Variants in FAF1 observed in about 807,000 individuals in gnomAD.
The protein encoded by FAF1 is FAS-associated factor 1.
FAF1 carries 25 observed loss-of-function variants against 92.5 expected under a neutral mutation model. The observed-to-expected ratio is 0.27, with a 90% CI of 0.20 to 0.38. The LOEUF (loss-of-function observed/expected upper bound fraction) is 0.38, where lower values mean the gene tolerates loss of function less well. Ranked by LOEUF, FAF1 falls within the 10% of genes least tolerant of loss-of-function variation. The pLI is 1.00. For synonymous variants in FAF1, 234 were observed against 273.2 expected (o/e 0.86, Z 1.42); for missense variants, 636 against 793.3 (o/e 0.80, Z 2.38).
intron 1 of FAF1, among the ~76,000 whole-genome samples, chr1:50,896,655 T>C (rs59110918): frequency 2.6e-3 from 390 of 152,298 alleles, no homozygotes; most frequent in African/African-American, 9.0e-3. Context: ...TTTAAGGACA[T>C]TATGCTAAAT....
chr1:50,525,277 G>A (rs1647733893), intron 15 of FAF1, among the ~76,000 whole-genome samples: 1 of 152,108 alleles, frequency 6.6e-6, no homozygotes, highest in Non-Finnish European at 1.5e-5. Flanking sequence ...AATTGCTTTG[G>A]GCAGTATGGC....
intron 2 of FAF1, among the ~76,000 whole-genome samples, chr1:50,817,570 T>C (rs1337445023): frequency 2.6e-5 from 4 of 152,200 alleles, no homozygotes; most frequent in Admixed American, 1.3e-4. Context: ...GTAGTGATGG[T>C]TGCATAAAAT....
intron 2 of FAF1, among the ~76,000 whole-genome samples, chr1:50,806,438 T>C (rs1240850625): frequency 2.0e-5 from 3 of 152,220 alleles, no homozygotes; most frequent in Non-Finnish European, 4.4e-5. Flanking sequence ...TAGTTTGATA[T>C]ACAGGTAAAC....
chr1:50,687,355 C>CAAAA (rs78325708), intron 7 of FAF1, among the ~76,000 whole-genome samples: 2 of 83,780 alleles, frequency 2.4e-5, no homozygotes, highest in African/African-American at 8.3e-5. Flanking sequence ...TTTTATCAAT[C>CAAAA]AAAAAAAAAA....
intron 4 of FAF1, among the ~76,000 whole-genome samples, chr1:50,773,402 G>C (rs1332304181): frequency 6.6e-6 from 1 of 152,166 alleles, no homozygotes; most frequent in South Asian, 2.1e-4. Context: ...GATTATTCAC[G>C]ATAGCCAAGA....
rs151246280 is a variant in FAF1 at position 50,938,874 on chromosome 1, T to C, written c.45+20893A>G. ...TGTCAGCCTTGTCAAATATCAGTTG[T>C]AGAAGTGCAACTTTTATTTCTGAGT... On this transcript the variant is annotated intron_variant, in intron 1 of 18. Coordinates refer to ENST00000396153, the MANE Select transcript of FAF1 (RefSeq NM_007051.3). Among the ~76,000 whole-genome samples, 5 of 152,322 alleles carry C rather than the reference T, an allele frequency of 3.3e-5. No individual in the cohort carries two copies. The East Asian group carries it at 9.6e-4, about 29-fold the overall frequency.
At chr1:50,728,239 G>A (rs1045987687) in intron 6 of FAF1, among the ~76,000 whole-genome samples, 2 of 152,156 alleles carry the variant, frequency 1.3e-5, no homozygotes, top group African/African-American at 4.8e-5. Flanking sequence ...TATTTGAGTA[G>A]AGGCCTAAAT....
At chr1:50,856,548 T>C (rs553863951) in intron 2 of FAF1, among the ~76,000 whole-genome samples, 2 of 151,852 alleles carry the variant, frequency 1.3e-5, no homozygotes, top group South Asian at 4.2e-4. Flanking sequence ...TAAGGAAGCA[T>C]TGGTTTAATG....
chr1:50,635,541 T>C (rs932459758), intron 8 of FAF1, among the ~76,000 whole-genome samples: 9 of 152,110 alleles, frequency 5.9e-5, no homozygotes, highest in African/African-American at 2.2e-4. Context: ...TCCTCCCACC[T>C]CAGCCTCCTG....
intron 7 of FAF1, among the ~76,000 whole-genome samples, chr1:50,683,125 T>C (rs1410204135): frequency 1.3e-5 from 2 of 152,100 alleles, no homozygotes; most frequent in African/African-American, 4.8e-5. Context: ...TAGATGACAA[T>C]AGATGTTACA....
intron 18 of FAF1, among the ~76,000 whole-genome samples, chr1:50,464,509 A>G (rs576264290): frequency 6.6e-6 from 1 of 152,334 alleles, no homozygotes; most frequent in South Asian, 2.1e-4. Flanking sequence ...GGAATGCAAT[A>G]AACAGTGGAC....
chr1:50,823,534 T>C (rs1292123031), intron 2 of FAF1, among the ~76,000 whole-genome samples: 2 of 152,310 alleles, frequency 1.3e-5, no homozygotes, highest in East Asian at 3.9e-4. Context: ...TGACTCCCTC[T>C]TCATCTCATT....
intron 18 of FAF1, among the ~76,000 whole-genome samples, chr1:50,468,116 G>A (rs957306983): frequency 3.3e-5 from 5 of 151,944 alleles, no homozygotes; most frequent in African/African-American, 4.8e-5. Context: ...GGGTGAGGTG[G>A]GAGGATCACT....
At chr1:50,525,126 T>A (rs1647725795) in intron 15 of FAF1, among the ~76,000 whole-genome samples, 1 of 152,178 alleles carries the variant, frequency 6.6e-6, no homozygotes, top group Non-Finnish European at 1.5e-5. Flanking sequence ...CCTCAGGTGA[T>A]CCACCCGCCT....
intron 4 of FAF1, among the ~76,000 whole-genome samples, chr1:50,764,740 T>C (rs892473022): frequency 3.3e-5 from 5 of 152,234 alleles, no homozygotes; most frequent in Admixed American, 1.3e-4. Context: ...CAGTTATTCC[T>C]TCAAGGGCAA....
At chr1:50,486,642 G>A (rs1646773263) in intron 17 of FAF1, among the ~76,000 whole-genome samples, 1 of 151,834 alleles carries the variant, frequency 6.6e-6, no homozygotes, top group Non-Finnish European at 1.5e-5. Context: ...TATAATGTAT[G>A]GTATCTTTTC....
intron 8 of FAF1, among the ~76,000 whole-genome samples, chr1:50,611,929 C>G (rs1441071809): frequency 6.6e-6 from 1 of 152,074 alleles, no homozygotes; most frequent in Admixed American, 6.6e-5. Flanking sequence ...AAGTGTTAAA[C>G]ACATGAAAAG....
At chr1:50,682,628 G>C (rs912796390) in intron 7 of FAF1, among the ~76,000 whole-genome samples, 1 of 152,040 alleles carries the variant, frequency 6.6e-6, no homozygotes, top group African/African-American at 2.4e-5. Context: ...TTACCTCCTT[G>C]GTTACAAAAG....
chr1:50,884,443 G>A (rs561166609), intron 1 of FAF1, among the ~76,000 whole-genome samples: 14 of 151,374 alleles, frequency 9.2e-5, no homozygotes, highest in African/African-American at 1.9e-4. Flanking sequence ...CAGGAGAATC[G>A]CTTGAACCTG....
Sources: gnomAD v4.1 joint callset for allele counts (sites outside exome capture counted in the v4.1 genomes callset) on GRCh38, gnomAD v4.1.1 for gene constraint, MANE v1.5 for transcripts, NCBI Gene and HGNC (gene_info 2026-07-23, HGNC 2026-07-21) for gene names.